The following DCTN3 variants were observed in gnomAD, a reference collection of about 807,000 sequenced individuals.
DCTN3 encodes the protein dynactin 3 (p22).
A neutral mutation model predicts 28.4 loss-of-function variants in DCTN3; 25 were observed. That is an observed-to-expected ratio of 0.88 (90% CI 0.64 to 1.23). The LOEUF (loss-of-function observed/expected upper bound fraction) is 1.23, where lower values mean the gene tolerates loss of function less well. DCTN3 is among the 50% of genes most tolerant of loss of function. The pLI is 0.00. For synonymous variants in DCTN3, 81 were observed against 91.4 expected, an observed-to-expected ratio of 0.89 and a Z score of 0.65; for missense variants, 229 against 232.0, an observed-to-expected ratio of 0.99 and a Z score of 0.08.
At chr9:34,617,586 T>C in intron 3 of DCTN3, 1 of 1,264,256 alleles carries the variant, frequency 7.9e-7, no homozygotes, top group Non-Finnish European at 1.0e-6. Flanking sequence ...CTCCTCTGTC[T>C]AGTGAGCAGA....
At chr9:34,615,950 C>T in intron 4 of DCTN3, 80 bp downstream of exon 4, 1 of 1,221,696 alleles carries the variant, frequency 8.2e-7, no homozygotes. Context: ...TCCACACAAC[C>T]TGAAACACAG....
chr9:34,613,817 C>T lies in DCTN3; in HGVS notation c.526G>A (p.Glu176Lys). The change falls in exon 7 of 7, where the codon GAG becomes AAG. Residue 176 changes from glutamate (E) to lysine (K), a missense_variant. By Grantham distance (56) the Glu-to-Lys change is moderately conservative. Coordinates refer to ENST00000259632, the MANE Select transcript of DCTN3 (RefSeq NM_007234.5). ...VQWDELLCQL[E>K]AATQVKPAEE The stretch of plus-strand genomic sequence containing the variant: ...GCTGGCTTCACTTGCGTGGCGGCCT[C>T]TAGCTGGCAAAGTAGCTCATCCCAC... 6.2e-7 allele frequency: 1 copy of T among 1,614,140 alleles called. No individual in the cohort carries two copies. The highest frequency in any genetic ancestry group is 8.5e-7 in the Non-Finnish European group (1 of 1,180,008).
In DCTN3 at chr9:34,620,460, GCCATCGCTACTACCGACCCA is replaced by G. The variant is rs776622875; in HGVS notation, c.-16_4del. On this transcript the variant is annotated start_lost and 5_prime_UTR_variant, in exon 1 of 7. Transcript: ENST00000259632. ...TAGCCGCTGCAAGTCAGTCAGACCC[GCCATCGCTACTACCGACCCA>G]CCTCGGCCAGGAAACAGCCAGAGGG... The G allele has an allele frequency of 1.3e-6, 2 of 1,550,580 alleles. No homozygotes were observed. The highest frequency in any genetic ancestry group is 2.4e-5 in the South Asian group (2 of 84,310).
Position 34,620,407 on chromosome 9 carries a change from AGC to A in DCTN3, c.56_57del (p.Arg19LeufsTer16). On this transcript the variant is annotated frameshift_variant, in exon 1 of 7. Transcript: ENST00000259632. LOFTEE classifies it high-confidence loss of function. The part of the protein sequence containing the change: ...RLQARVEELE[R>X]WVYGPGGARG... Reference sequence around the variant, plus strand: ...CGCGCCCCGCCCGGCCCGTACACCCAGCGCTCCAGCTCTTCCACTCGGGCCTG... The same window carrying A: ...CGCGCCCCGCCCGGCCCGTACACCCAGCTCCAGCTCTTCCACTCGGGCCTG... 6.3e-7 allele frequency: 1 copy of A among 1,577,844 alleles called. No individual in the cohort carries two copies. The highest frequency in any genetic ancestry group is 8.6e-7 in the Non-Finnish European group (1 of 1,162,502).
chr9:34,620,115 T>C (rs759344739), intron 1 of DCTN3, among the ~76,000 whole-genome samples: 5 of 152,156 alleles, frequency 3.3e-5, no homozygotes, highest in Admixed American at 1.3e-4. Flanking sequence ...TCCCCAACTA[T>C]AGCTCGCGAG....
intron 5 of DCTN3, chr9:34,614,317 A>G (rs1233101646): frequency 9.7e-7 from 1 of 1,028,564 alleles, no homozygotes; most frequent in African/African-American, 1.6e-5. Flanking sequence ...GGGAGTGGCC[A>G]TACATTAAGT....
intron 3 of DCTN3, among the ~76,000 whole-genome samples, chr9:34,617,119 A>G (rs1042441414): frequency 6.6e-6 from 1 of 152,208 alleles, no homozygotes; most frequent in African/African-American, 2.4e-5. Context: ...CAATTGACCA[A>G]GAGCCCTTTG....
At chr9:34,618,522 T>C (rs915886244) in intron 2 of DCTN3, among the ~76,000 whole-genome samples, 154 bp downstream of exon 2, 1 of 152,192 alleles carries the variant, frequency 6.6e-6, no homozygotes. Flanking sequence ...CACCACAATT[T>C]ACCAATTGAA....
At chr9:34,617,723 G>C in intron 3 of DCTN3, 162 bp downstream of exon 3, 2 of 1,514,050 alleles carry the variant, frequency 1.3e-6, no homozygotes, top group Non-Finnish European at 1.8e-6. Context: ...ATGTCTACTA[G>C]AGGATCCATA....
At chr9:34,618,216 C>G (rs1419786746) in intron 2 of DCTN3, among the ~76,000 whole-genome samples, 1 of 152,184 alleles carries the variant, frequency 6.6e-6, no homozygotes, top group African/African-American at 2.4e-5. Flanking sequence ...CACCACCACT[C>G]TGGGCCCTTA....
At position 34,617,883 on chromosome 9, in the gene DCTN3, A is replaced by G. The variant is rs1388568631; in HGVS notation, c.268+2T>C. On this transcript the variant is annotated splice_donor_variant, in intron 3 of 6. Coordinates refer to ENST00000259632, the MANE Select transcript of DCTN3 (RefSeq NM_007234.5). LOFTEE classifies it high-confidence loss of function. ...GCATGTACACATGTAGTCCAGCATT[A>G]CCTGCTAGGATGAATTGCAGCTTAG... 6.2e-7 allele frequency: 1 copy of G among 1,613,844 alleles called. No homozygotes were observed. Among genetic ancestry groups the G allele is most frequent in the Non-Finnish European group, 8.5e-7 (1 of 1,179,822 alleles).
chr9:34,617,864 A>G, intron 3 of DCTN3, 21 bp downstream of exon 3: 1 of 1,613,552 alleles, frequency 6.2e-7, no homozygotes, highest in Non-Finnish European at 8.5e-7. Flanking sequence ...AGATGCATGT[A>G]CACATGTAGT....
rs753319591 is a variant in DCTN3 at position 34,616,084 on chromosome 9, G to C, written c.298C>G (p.Leu100Val). 3.7e-6 allele frequency: 6 copies of C among 1,614,084 alleles called. No individual in the cohort carries two copies. The highest frequency in any genetic ancestry group is 5.1e-6 in the Non-Finnish European group (6 of 1,179,976). ...ACCAAGGCATTCACCTGCTCCAGGAGTGCAACCTGGGAAAGGATAAACTGC... is the reference window on the plus strand; with the variant it reads ...ACCAAGGCATTCACCTGCTCCAGGACTGCAACCTGGGAAAGGATAAACTGC... ...EEQFILSQVA[L>V]LEQVNALVPM... Residue 100 changes from leucine (L) to valine (V), a missense_variant, in exon 4 of 7, where the codon CTC (leucine) becomes GTC (valine). Transcript: ENST00000259632. The surrounding 1 kb of genome is among the most constrained non-coding windows in gnomAD (Gnocchi z 4.7).
chr9:34,614,661 G>C, intron 5 of DCTN3, 49 bp downstream of exon 5: 12 of 1,607,806 alleles, frequency 7.5e-6, no homozygotes, highest in Non-Finnish European at 1.0e-5. Context: ...GTTGGGATGA[G>C]GTGCTGCGCC....
chr9:34,616,271 C>T lies in DCTN3; in HGVS notation c.269-158G>A, dbSNP rs1052378201. On this transcript the variant is annotated intron_variant, in intron 3 of 6. Coordinates refer to ENST00000259632, the MANE Select transcript of DCTN3 (RefSeq NM_007234.5). This position sits in a 1 kb window ranked among gnomAD's most constrained non-coding sequence, Gnocchi z 4.7. ...GCCCCCTTCTCTAGGTGCACATTTC[C>T]ATCCTGCCCCCAACTCTCCTGGATG... 2 of 591,162 alleles carry T rather than the reference C, an allele frequency of 3.4e-6. No individual in the cohort carries two copies. Among genetic ancestry groups the T allele is most frequent in the Non-Finnish European group, 6.1e-6 (2 of 326,588 alleles). The allele number at this position is 591,162 out of a possible 1,614,324, so 36.6% of individuals were successfully genotyped here. A position where few individuals can be genotyped will look rare whatever the true frequency, so the allele number is the denominator to read the frequency against.
chr9:34,613,889 T>G lies in DCTN3; in HGVS notation c.472-18A>C. ...AGCATTGTCTGGTTGTAGGTCAAGG[T>G]GAGAATAGGAATCTGAGTGAGGAAG... On this transcript the variant is annotated intron_variant, in intron 6 of 6. Transcript: ENST00000259632. 6.2e-7 allele frequency: 1 copy of G among 1,613,940 alleles called. No individual in the cohort carries two copies.
chr9:34,617,172 C>G (rs1231929139), intron 3 of DCTN3, among the ~76,000 whole-genome samples: 4 of 152,124 alleles, frequency 2.6e-5, no homozygotes, highest in African/African-American at 9.7e-5. Context: ...CCATCCTTAC[C>G]CAGTCCTCAG....
At position 34,615,005 on chromosome 9, in the gene DCTN3, G is replaced by T. The variant is rs572603636; in HGVS notation, c.353-237C>A. Reference sequence around the variant, plus strand: ...TCCCGAGGAGAAGACAAAACCTTGGGGTTCCCAGTGTTGCTCCCTACCCCC... The same window carrying T: ...TCCCGAGGAGAAGACAAAACCTTGGTGTTCCCAGTGTTGCTCCCTACCCCC... On this transcript the variant is annotated intron_variant, in intron 4 of 6. Transcript: ENST00000259632. 2.1e-4 allele frequency: 115 copies of T among 547,070 alleles called. No homozygotes were observed. In the African/African-American group the frequency reaches 2.1e-3, roughly 10 times the overall value. The allele number at this position is 547,070 out of a possible 1,614,324, so 33.9% of individuals were successfully genotyped here.
Position 34,620,480 on chromosome 9 carries a change from A to G in DCTN3, c.-16T>C, listed in dbSNP as rs1019103633. 6 of 1,547,444 alleles carry G rather than the reference A, an allele frequency of 3.9e-6. No individual in the cohort carries two copies. In the South Asian group the frequency reaches 7.1e-5, roughly 18 times the overall value. ...GACCCGCCATCGCTACTACCGACCC[A>G]CCTCGGCCAGGAAACAGCCAGAGGG... is the stretch of plus-strand genomic sequence containing the variant. On this transcript the variant is annotated 5_prime_UTR_variant, in exon 1 of 7. Coordinates refer to ENST00000259632, the MANE Select transcript of DCTN3 (RefSeq NM_007234.5).
Sources: gnomAD v4.1 joint callset for allele counts (sites outside exome capture counted in the v4.1 genomes callset) on GRCh38, gnomAD v4.1.1 for gene constraint, Gnocchi (gnomAD v3.1) non-coding constraint, MANE v1.5 for transcripts, NCBI Gene and HGNC (gene_info 2026-07-23, HGNC 2026-07-21) for gene names.